Variants in ATRNL1 observed in about 807,000 individuals in gnomAD.
ATRNL1 encodes attractin-like protein 1.
In ATRNL1, 95 loss-of-function variants were observed where a neutral mutation model predicts 182.7. The ratio of observed to expected loss-of-function variants is 0.52; its 90% CI spans 0.44 to 0.62. ATRNL1 has a LOEUF of 0.62. ATRNL1 is among the 20% of genes least tolerant of loss of function. The pLI, the probability that ATRNL1 is intolerant of heterozygous loss-of-function variation, is 0.00. For synonymous variants in ATRNL1, 576 were observed against 568.3 expected (o/e 1.01, Z -0.19); for missense variants, 1,471 against 1,679.5 (o/e 0.88, Z 2.17).
chr10:115,626,370 G>A (rs2133818303), intron 26 of ATRNL1, among the ~76,000 whole-genome samples: 1 of 152,184 alleles, frequency 6.6e-6, no homozygotes, highest in Middle Eastern at 3.4e-3. Context: ...AGCTGTTCTG[G>A]TAATCATCAT....
intron 28 of ATRNL1, among the ~76,000 whole-genome samples, chr10:115,884,181 C>G (rs1199558785): frequency 2.0e-5 from 3 of 152,184 alleles, no homozygotes; most frequent in Non-Finnish European, 4.4e-5. Context: ...CATTTTACCT[C>G]ATTTCTCTTT....
intron 21 of ATRNL1, among the ~76,000 whole-genome samples, chr10:115,458,978 A>G (rs1164196404): frequency 6.6e-6 from 1 of 152,168 alleles, no homozygotes; most frequent in East Asian, 1.9e-4. Context: ...GATTTAATGG[A>G]CATTTATTAG....
At chr10:115,537,409 A>G (rs1422146116) in intron 25 of ATRNL1, among the ~76,000 whole-genome samples, 1 of 152,206 alleles carries the variant, frequency 6.6e-6, no homozygotes. Flanking sequence ...GCTCAGTTAT[A>G]GGTATCACTA....
At chr10:115,518,729 T>G (rs1373825509) in intron 24 of ATRNL1, among the ~76,000 whole-genome samples, 4 of 151,988 alleles carry the variant, frequency 2.6e-5, no homozygotes, top group African/African-American at 9.6e-5. Flanking sequence ...GATGTTACAG[T>G]ATGATCTCTA....
chr10:115,421,578 A>T (rs1554961931), intron 20 of ATRNL1, among the ~76,000 whole-genome samples: 1 of 152,218 alleles, frequency 6.6e-6, no homozygotes, highest in Non-Finnish European at 1.5e-5. Context: ...TCCACAGCTA[A>T]CATCATACCA....
At chr10:115,812,545 C>T (rs1400717119) in intron 27 of ATRNL1, among the ~76,000 whole-genome samples, 2 of 152,158 alleles carry the variant, frequency 1.3e-5, no homozygotes, top group African/African-American at 2.4e-5. Flanking sequence ...GGCACGATCT[C>T]GGCTCACTGC....
chr10:115,308,338 TAGG>T (rs1254950567), intron 17 of ATRNL1, among the ~76,000 whole-genome samples: 16 of 152,030 alleles, frequency 1.1e-4, no homozygotes, highest in African/African-American at 3.9e-4. Context: ...TAAAGAAAAA[TAGG>T]AGATTTAGTC....
chr10:115,332,229 G>T (rs76507627), intron 18 of ATRNL1, among the ~76,000 whole-genome samples: 1,960 of 152,278 alleles, frequency 0.013, 35 homozygotes, highest in African/African-American at 0.044. Context: ...AGGGCTTGGG[G>T]ATGGGGTATT....
intron 28 of ATRNL1, among the ~76,000 whole-genome samples, chr10:115,849,239 G>A (rs1295939153): frequency 2.6e-5 from 4 of 152,154 alleles, no homozygotes. Context: ...TTGAGTGAAT[G>A]TCTTGTTCTT....
intron 1 of ATRNL1, among the ~76,000 whole-genome samples, chr10:115,103,590 A>C (rs1203439027): frequency 1.3e-5 from 2 of 152,140 alleles, no homozygotes; most frequent in East Asian, 3.9e-4. Context: ...CATCAGGGTA[A>C]ATAGGGTATT....
chr10:115,860,015 G>T (rs1555103128), intron 28 of ATRNL1, among the ~76,000 whole-genome samples: 3 of 152,142 alleles, frequency 2.0e-5, no homozygotes, highest in African/African-American at 7.2e-5. Flanking sequence ...AGTTGAGCAG[G>T]CTTCTCTCAC....
chr10:115,872,579 C>T (rs569417038), intron 28 of ATRNL1, among the ~76,000 whole-genome samples: 1 of 152,278 alleles, frequency 6.6e-6, no homozygotes, highest in East Asian at 1.9e-4. Flanking sequence ...TCCAATCTTG[C>T]TAGGGAATGA....
intron 28 of ATRNL1, among the ~76,000 whole-genome samples, chr10:115,874,890 A>G (rs1219036714): frequency 2.0e-5 from 3 of 152,220 alleles, no homozygotes; most frequent in Admixed American, 2.0e-4. Flanking sequence ...ACCATTTTGG[A>G]TTTCTGAGCA....
intron 26 of ATRNL1, among the ~76,000 whole-genome samples, chr10:115,686,915 C>T (rs541688600): frequency 3.9e-5 from 6 of 152,066 alleles, no homozygotes; most frequent in Non-Finnish European, 5.9e-5. Flanking sequence ...GCATATTTAA[C>T]GTATATACTT....
intron 24 of ATRNL1, among the ~76,000 whole-genome samples, chr10:115,489,576 T>G (rs1323368652): frequency 6.6e-6 from 1 of 152,224 alleles, no homozygotes; most frequent in East Asian, 1.9e-4. Context: ...TTCCATTTGC[T>G]TGGTAAATAT....
At chr10:115,603,984 G>C (rs1002660046) in intron 26 of ATRNL1, among the ~76,000 whole-genome samples, 1 of 151,994 alleles carries the variant, frequency 6.6e-6, no homozygotes, top group Non-Finnish European at 1.5e-5. Flanking sequence ...TCTTTGTCTA[G>C]TTTCTCTTGA....
chr10:115,422,133 C>T (rs1554962037), intron 20 of ATRNL1, among the ~76,000 whole-genome samples: 1 of 152,080 alleles, frequency 6.6e-6, no homozygotes, highest in African/African-American at 2.4e-5. Flanking sequence ...TAGGACCTGG[C>T]AAAGATTTCA....
chr10:115,659,498 A>C (rs1349728262), intron 26 of ATRNL1, among the ~76,000 whole-genome samples: 2 of 152,090 alleles, frequency 1.3e-5, no homozygotes, highest in Non-Finnish European at 2.9e-5. Context: ...AAATATATCC[A>C]TGTAAGTTAT....
At chr10:115,203,097 C>T (rs1351976313) in intron 8 of ATRNL1, among the ~76,000 whole-genome samples, 1 of 152,084 alleles carries the variant, frequency 6.6e-6, no homozygotes, top group Non-Finnish European at 1.5e-5. Context: ...ATAGCTTGGT[C>T]ATTGTGGAAG....
Sources: allele counts gnomAD v4.1 joint callset (sites outside exome capture counted in the v4.1 genomes callset), GRCh38; gene constraint gnomAD v4.1.1; transcripts MANE v1.5; gene names NCBI Gene and HGNC (gene_info 2026-07-23, HGNC 2026-07-21).